CLASP1: variants seen among roughly 807,000 people sequenced by gnomAD.
The protein encoded by CLASP1 is CLIP-associating protein 1.
In CLASP1, 38 loss-of-function variants were observed where a neutral mutation model predicts 192.3. The observed-to-expected ratio is 0.20, with a 90% CI of 0.15 to 0.26. The LOEUF (loss-of-function observed/expected upper bound fraction) is 0.26. Ranked by LOEUF, CLASP1 falls within the 10% of genes least tolerant of loss-of-function variation. The pLI, the probability that CLASP1 is intolerant of heterozygous loss-of-function variation, is 1.00. For synonymous variants in CLASP1, 691 were observed against 712.8 expected (o/e 0.97, Z 0.49); for missense variants, 1,433 against 1,932.5 (o/e 0.74, Z 4.85).
chr2:121,602,902 A>G (rs2063954267), intron 2 of CLASP1, among the ~76,000 whole-genome samples: 1 of 152,198 alleles, frequency 6.6e-6, no homozygotes, highest in African/African-American at 2.4e-5. Flanking sequence ...GTCTGGGAAA[A>G]TATTTTATAA....
chr2:121,338,256 G>A (rs1213412844), exon 40 of CLASP1: 4 of 152,276 alleles, frequency 2.6e-5, no homozygotes, highest in Non-Finnish European at 5.9e-5. Context: ...AGAAAAGGCA[G>A]GCCCGTGGCA....
chr2:121,423,715 C>T (rs1386136984), intron 22 of CLASP1, among the ~76,000 whole-genome samples: 1 of 152,200 alleles, frequency 6.6e-6, no homozygotes, highest in Non-Finnish European at 1.5e-5. Context: ...ATTGTATCCA[C>T]ATCAACACCC....
intron 25 of CLASP1, among the ~76,000 whole-genome samples, chr2:121,406,380 C>T (rs777608139): frequency 6.6e-6 from 1 of 152,174 alleles, no homozygotes; most frequent in Non-Finnish European, 1.5e-5. Context: ...TTATAAGCTA[C>T]ATATATGCAC....
intron 2 of CLASP1, among the ~76,000 whole-genome samples, chr2:121,554,106 T>C (rs1199171276): frequency 6.6e-6 from 1 of 150,838 alleles, no homozygotes; most frequent in African/African-American, 2.4e-5. Flanking sequence ...GTCCCAGCTA[T>C]ACTGGAGGCT....
In CLASP1 at chr2:121,599,308, AGCCGGGCACGGTG is replaced by A. The variant is rs1459497972; in HGVS notation, c.195+6380_195+6392del. Among the ~76,000 whole-genome samples the A allele has an allele frequency of 7.5e-4, 112 of 149,986 alleles. 2 individuals are homozygous for A. The highest frequency in any genetic ancestry group is 2.6e-3 in the African/African-American group (108 of 40,888). On this transcript the variant is annotated intron_variant, in intron 2 of 39. Transcript: ENST00000263710. Reference sequence around the variant, plus strand: ...CAGCCCTTAAAGAAAAAAAAAAAACAGCCGGGCACGGTGGCTCACAACTGTAATCCCAGCACTT... The same window carrying A: ...CAGCCCTTAAAGAAAAAAAAAAAACAGCTCACAACTGTAATCCCAGCACTT...
chr2:121,347,041 G>A, exon 39 of CLASP1: 8 of 1,559,300 alleles, frequency 5.1e-6, no homozygotes, highest in Non-Finnish European at 7.0e-6. Flanking sequence ...TACATACCTT[G>A]CTCCCTGTGA....
chr2:121,571,182 GT>G (rs1376437479), intron 2 of CLASP1, among the ~76,000 whole-genome samples: 2 of 151,714 alleles, frequency 1.3e-5, no homozygotes, highest in African/African-American at 4.8e-5. Context: ...TTAGTTTTTG[GT>G]TTTTTTCTTT....
intron 14 of CLASP1, among the ~76,000 whole-genome samples, chr2:121,457,313 G>C (rs1208195824): frequency 2.0e-5 from 3 of 151,848 alleles, no homozygotes; most frequent in Non-Finnish European, 4.4e-5. Context: ...TTTTTTTCTT[G>C]CATGCAGTTA....
intron 23 of CLASP1, among the ~76,000 whole-genome samples, 76 bp from the exon 24 acceptor site, chr2:121,414,279 G>A (rs1339175114): frequency 6.6e-6 from 1 of 152,162 alleles, no homozygotes; most frequent in Non-Finnish European, 1.5e-5. Context: ...ACAGTCCAGA[G>A]GAAATGCAGA....
intron 2 of CLASP1, among the ~76,000 whole-genome samples, chr2:121,582,317 A>T (rs2061274337): frequency 7.4e-6 from 1 of 135,150 alleles, no homozygotes; most frequent in Admixed American, 7.2e-5. Context: ...GAGAGAGAGA[A>T]AGAGAAAGGG....
chr2:121,476,705 T>C (rs2091658792), intron 8 of CLASP1, among the ~76,000 whole-genome samples: 1 of 152,194 alleles, frequency 6.6e-6, no homozygotes, highest in Admixed American at 6.5e-5. Context: ...ACTATCTCTC[T>C]GCTTCACTGC....
chr2:121,578,790 A>G (rs60414727), intron 2 of CLASP1, among the ~76,000 whole-genome samples: 46 of 152,254 alleles, frequency 3.0e-4, no homozygotes, highest in African/African-American at 1.1e-3. Context: ...AAAATAAAGC[A>G]ATTGCTTCTT....
At chr2:121,469,739 G>C (rs1331817972) in intron 9 of CLASP1, 69 bp downstream of exon 9, 3 of 1,487,532 alleles carry the variant, frequency 2.0e-6, no homozygotes, top group East Asian at 4.6e-5. Flanking sequence ...CCACAGGCAA[G>C]TACGTGCACC....
At chr2:121,434,766 G>A (rs2149680852) in intron 19 of CLASP1, among the ~76,000 whole-genome samples, 1 of 152,196 alleles carries the variant, frequency 6.6e-6, no homozygotes, top group South Asian at 2.1e-4. Context: ...GAGGCAGGTG[G>A]ATTACTTGAG....
At chr2:121,520,200 GC>G (rs1359323858) in intron 6 of CLASP1, among the ~76,000 whole-genome samples, 1 of 152,196 alleles carries the variant, frequency 6.6e-6, no homozygotes, top group Non-Finnish European at 1.5e-5. Context: ...CTCTCTGGGG[GC>G]AAGTCAACAT....
chr2:121,381,442 T>C (rs902851913), intron 33 of CLASP1, among the ~76,000 whole-genome samples: 2 of 152,118 alleles, frequency 1.3e-5, no homozygotes, highest in African/African-American at 4.8e-5. Flanking sequence ...CTTTGGACCT[T>C]ATAAAAAGCA....
At chr2:121,429,667 A>C (rs995014666) in intron 20 of CLASP1, among the ~76,000 whole-genome samples, 2 of 152,184 alleles carry the variant, frequency 1.3e-5, no homozygotes, top group Admixed American at 6.5e-5. Flanking sequence ...GAGAGCTTTT[A>C]ATGGATTTAC....
At chr2:121,530,794 C>A in intron 2 of CLASP1, 1 of 593,682 alleles carries the variant, frequency 1.7e-6, no homozygotes, top group South Asian at 1.9e-5. Context: ...GCTACCAGAC[C>A]GACTAGGGCG....
intron 2 of CLASP1, among the ~76,000 whole-genome samples, chr2:121,585,682 G>A (rs183341212): frequency 2.3e-3 from 347 of 152,198 alleles, no homozygotes; most frequent in Non-Finnish European, 4.1e-3. Flanking sequence ...GGCAGATCAC[G>A]AGGTCAAGAG....
Sources: gnomAD v4.1 joint callset for allele counts (sites outside exome capture counted in the v4.1 genomes callset) on GRCh38, gnomAD v4.1.1 for gene constraint, MANE v1.5 for transcripts, NCBI Gene and HGNC (gene_info 2026-07-23, HGNC 2026-07-21) for gene names.